The following JAK1 variants were observed in gnomAD, a reference collection of about 807,000 sequenced individuals.
JAK1 encodes the protein tyrosine-protein kinase JAK1.
In JAK1, 16 loss-of-function variants were observed where a neutral mutation model predicts 136.6. The ratio of observed to expected loss-of-function variants is 0.12; its 90% CI spans 0.08 to 0.18. The LOEUF (loss-of-function observed/expected upper bound fraction) is 0.18. JAK1 is among the 10% of genes least tolerant of loss of function. The pLI is 1.00. For missense variants in JAK1, 859 were observed against 1,450.1 expected, an observed-to-expected ratio of 0.59 and a Z score of 6.62; for synonymous variants, 492 against 519.5, an observed-to-expected ratio of 0.95 and a Z score of 0.72.
intron 1 of JAK1, among the ~76,000 whole-genome samples, chr1:64,954,588 A>G (rs1646148871): frequency 6.6e-6 from 1 of 152,178 alleles, no homozygotes; most frequent in African/African-American, 2.4e-5. Context: ...TATCTGTTTT[A>G]TTATCTTGTT....
rs34933566 is a variant in JAK1 at position 64,940,320 on chromosome 1, C to CTTTT, written c.-78+26009_-78+26012dup. On this transcript the variant is annotated intron_variant, in intron 1 of 24. Transcript: ENST00000342505. The stretch of plus-strand genomic sequence containing the variant: ...ACCTAGCTTATACCAATTTCAATTT[C>CTTTT]TTTTTTTTTTTTTTTTGAGATAGTC... Among the ~76,000 whole-genome samples the CTTTT allele has an allele frequency of 7.8e-3, 1,098 of 140,390 alleles. 13 individuals are homozygous for CTTTT. The highest frequency in any genetic ancestry group is 0.026 in the South Asian group (115 of 4,394). 92.1% of individuals were successfully genotyped at this position (140,390 alleles called of 152,430 possible). A position where few individuals can be genotyped will look rare whatever the true frequency, so the allele number is the denominator to read the frequency against.
At chr1:64,967,656 T>C (rs985159020), upstream of JAK1, among the ~76,000 whole-genome samples, 2 of 152,178 alleles carry the variant, frequency 1.3e-5, no homozygotes, top group Non-Finnish European at 2.9e-5. Flanking sequence ...ATATTCTGGG[T>C]GTGGAATAAA....
chr1:65,035,883 A>G (rs1235406324), intron 2 of JAK1, among the ~76,000 whole-genome samples: 2 of 152,206 alleles, frequency 1.3e-5, no homozygotes, highest in East Asian at 1.9e-4. Context: ...CCTGGCCAAC[A>G]TGGTGAAACC....
intron 11 of JAK1, among the ~76,000 whole-genome samples, chr1:64,854,266 T>C (rs1166433422): frequency 2.6e-5 from 4 of 152,160 alleles, no homozygotes; most frequent in African/African-American, 9.7e-5. Flanking sequence ...TATGGACACG[T>C]TCGCTTGGAA....
At chr1:64,917,197 C>T (rs1421825067) in intron 1 of JAK1, among the ~76,000 whole-genome samples, 1 of 152,068 alleles carries the variant, frequency 6.6e-6, no homozygotes, top group Admixed American at 6.5e-5. Context: ...TATTCTCAGG[C>T]TTTTTAACAG....
chr1:64,933,151 GGTACCACT>G (rs1645728190), intron 1 of JAK1, among the ~76,000 whole-genome samples: 1 of 152,048 alleles, frequency 6.6e-6, no homozygotes, highest in Admixed American at 6.5e-5. Flanking sequence ...CCATAAGGTG[GGTACCACT>G]GTTATCCCCA....
intron 1 of JAK1, among the ~76,000 whole-genome samples, chr1:65,056,411 G>T (rs1377881952): frequency 6.6e-6 from 1 of 152,204 alleles, no homozygotes; most frequent in African/African-American, 2.4e-5. Context: ...AGACACTAAA[G>T]GGAACTGCAA....
intron 22 of JAK1, 34 bp downstream of exon 22, chr1:64,837,898 G>A (rs369865326): frequency 1.4e-5 from 22 of 1,575,396 alleles, no homozygotes; most frequent in Middle Eastern, 1.7e-4. Flanking sequence ...ACTCTATGAA[G>A]CATTGATAAA....
chr1:64,957,278 C>T (rs868775535), intron 1 of JAK1, among the ~76,000 whole-genome samples: 8 of 152,264 alleles, frequency 5.3e-5, no homozygotes, highest in Middle Eastern at 3.4e-3. Flanking sequence ...CATGTTACTA[C>T]CCTGCTTAAA....
intron 1 of JAK1, among the ~76,000 whole-genome samples, chr1:64,897,529 GGAGGAGGAGGAGGA>G: frequency 8.9e-4 from 2 of 2,252 alleles, no homozygotes; most frequent in Non-Finnish European, 1.9e-3. Flanking sequence ...GGAGGGGGAG[GGAGGAGGAGGAGGA>G]GGAGGAGGAG....
Position 64,837,445 on chromosome 1 carries a change from G to T in JAK1, c.3140+487C>A, listed in dbSNP as rs189587086. ...GCTGAGACATGGTTGTAGCCAGTGT[G>T]TGGCCTTCTAACCTGGGAACCTCTG... is the stretch of plus-strand genomic sequence containing the variant. On this transcript the variant is annotated intron_variant, in intron 22 of 24. Coordinates refer to ENST00000342505, the MANE Select transcript of JAK1 (RefSeq NM_002227.4). Among the ~76,000 whole-genome samples, 139 of 152,292 alleles carry T rather than the reference G, an allele frequency of 9.1e-4. 1 individual carries two copies. The highest frequency in any genetic ancestry group is 3.1e-3 in the African/African-American group (130 of 41,560).
intron 20 of JAK1, 156 bp downstream of exon 20, chr1:64,839,447 T>G (rs2100957764): frequency 1.6e-6 from 1 of 610,872 alleles, no homozygotes; most frequent in South Asian, 2.7e-5. Context: ...CTGAGGGATT[T>G]GACATATGAC....
chr1:64,924,865 A>G (rs1333899405), intron 1 of JAK1, among the ~76,000 whole-genome samples: 1 of 152,210 alleles, frequency 6.6e-6, no homozygotes, highest in Non-Finnish European at 1.5e-5. Flanking sequence ...GGCAAAGCAC[A>G]GAGGATTTTT....
At chr1:64,939,022 C>A (rs759974354) in intron 1 of JAK1, among the ~76,000 whole-genome samples, 2 of 152,162 alleles carry the variant, frequency 1.3e-5, no homozygotes, top group Non-Finnish European at 2.9e-5. Flanking sequence ...GTTGTCCAGG[C>A]TGGAGTGCAA....
intron 1 of JAK1, among the ~76,000 whole-genome samples, chr1:64,958,321 T>A (rs1395398212): frequency 1.3e-5 from 2 of 152,212 alleles, no homozygotes; most frequent in Non-Finnish European, 2.9e-5. Flanking sequence ...TCTACACAAG[T>A]AAAAACATGA....
intron 2 of JAK1, among the ~76,000 whole-genome samples, chr1:65,007,784 C>G (rs941677260): frequency 6.8e-6 from 1 of 147,576 alleles, no homozygotes; most frequent in Admixed American, 6.9e-5. Context: ...TTTGCTCTGT[C>G]GTCCAGGCTG....
At chr1:64,962,635 T>C (rs920919013) in intron 1 of JAK1, among the ~76,000 whole-genome samples, 6 of 152,218 alleles carry the variant, frequency 3.9e-5, no homozygotes, top group African/African-American at 1.2e-4. Flanking sequence ...TGACAGCTGT[T>C]TGAAATCCCA....
chr1:65,063,569 C>G (rs755706478), intron 1 of JAK1, among the ~76,000 whole-genome samples: 7 of 152,100 alleles, frequency 4.6e-5, no homozygotes, highest in Non-Finnish European at 8.8e-5. Context: ...TTTGGGAGGC[C>G]AAGGCGGATG....
chr1:65,041,521 G>T (rs574859287), intron 2 of JAK1, among the ~76,000 whole-genome samples: 1 of 151,986 alleles, frequency 6.6e-6, no homozygotes, highest in Non-Finnish European at 1.5e-5. Context: ...TCTCTGTGTC[G>T]TCTCCTACCT....
Sources: allele counts gnomAD v4.1 joint callset (sites outside exome capture counted in the v4.1 genomes callset), GRCh38; gene constraint gnomAD v4.1.1; transcripts MANE v1.5; gene names NCBI Gene and HGNC (gene_info 2026-07-23, HGNC 2026-07-21).